The following LRMDA variants were observed in gnomAD, a reference collection of about 807,000 sequenced individuals.
LRMDA encodes the protein leucine rich melanocyte differentiation associated.
Under a neutral mutation model 29.8 loss-of-function variants are expected in LRMDA, and 18 were observed. The ratio of observed to expected loss-of-function variants is 0.60; its 90% CI spans 0.42 to 0.90. The LOEUF is 0.90. Ranked by LOEUF, LRMDA falls within the 40% of genes least tolerant of loss-of-function variation. LRMDA has a pLI of 0.00. For synonymous variants in LRMDA, 125 were observed against 109.4 expected (o/e 1.14, Z -0.89); for missense variants, 273 against 273.9 (o/e 1.00, Z 0.02).
intron 5 of LRMDA, among the ~76,000 whole-genome samples, chr10:76,061,168 A>G (rs183356291): frequency 6.6e-6 from 1 of 152,362 alleles, no homozygotes; most frequent in East Asian, 1.9e-4. Context: ...TGATACGTAT[A>G]CACTATGGAA....
chr10:76,556,712 T>C (rs1843562452), intron 6 of LRMDA, among the ~76,000 whole-genome samples: 1 of 152,182 alleles, frequency 6.6e-6, no homozygotes, highest in Non-Finnish European at 1.5e-5. Flanking sequence ...ATGTGCTCAA[T>C]GCCTGGTGCC....
chr10:76,150,831 GCGAAAAGA>G (rs1850426938), intron 5 of LRMDA, among the ~76,000 whole-genome samples: 2 of 152,208 alleles, frequency 1.3e-5, no homozygotes, highest in Non-Finnish European at 2.9e-5. Flanking sequence ...ATTATTAACT[GCGAAAAGA>G]CGTTAAAACT....
At chr10:75,868,737 T>C (rs1845061029) in intron 2 of LRMDA, among the ~76,000 whole-genome samples, 1 of 152,180 alleles carries the variant, frequency 6.6e-6, no homozygotes, top group Non-Finnish European at 1.5e-5. Flanking sequence ...AGGGATCACA[T>C]GCAGTTTGTG....
In LRMDA at chr10:75,624,666, A is replaced by C. The variant is rs189401843; in HGVS notation, c.131+186172A>C. On this transcript the variant is annotated intron_variant, in intron 2 of 6. Coordinates refer to ENST00000611255, the MANE Select transcript of LRMDA (RefSeq NM_001305581.2). ...GTTGTGGAATTCACAACTGATAACCAAGCTGGAGTTGTTTATAAAATGCCT... is the reference window on the plus strand; with the variant it reads ...GTTGTGGAATTCACAACTGATAACCCAGCTGGAGTTGTTTATAAAATGCCT... Among the ~76,000 whole-genome samples, 7 of 152,308 alleles carry C rather than the reference A, an allele frequency of 4.6e-5. No individual in the cohort carries two copies. In the East Asian group the frequency reaches 7.7e-4, roughly 17 times the overall value.
chr10:75,617,113 C>A (rs1192195020), intron 2 of LRMDA, among the ~76,000 whole-genome samples: 8 of 152,108 alleles, frequency 5.3e-5, no homozygotes. Flanking sequence ...GCTATTGTGG[C>A]CTTGGCTGGA....
intron 2 of LRMDA, among the ~76,000 whole-genome samples, chr10:75,487,018 T>C (rs1348766784): frequency 6.6e-6 from 1 of 152,220 alleles, no homozygotes; most frequent in Non-Finnish European, 1.5e-5. Context: ...AACAGAAGAA[T>C]TACAGTGTCT....
At chr10:75,450,250 A>G (rs944316728) in intron 2 of LRMDA, 1 of 151,870 alleles carries the variant, frequency 6.6e-6, no homozygotes, top group Non-Finnish European at 1.5e-5. Flanking sequence ...AGACACACAC[A>G]TGTTCAGGTT....
chr10:75,886,940 A>G (rs960343453), intron 2 of LRMDA, among the ~76,000 whole-genome samples: 1 of 152,154 alleles, frequency 6.6e-6, no homozygotes, highest in Non-Finnish European at 1.5e-5. Context: ...CCTGAAGTTT[A>G]ATAAAATTCT....
At chr10:75,669,710 G>A (rs536893759) in intron 2 of LRMDA, among the ~76,000 whole-genome samples, 8 of 152,320 alleles carry the variant, frequency 5.3e-5, no homozygotes, top group Non-Finnish European at 7.3e-5. Context: ...AACCTTCAAA[G>A]ACTAATAATT....
intron 2 of LRMDA, among the ~76,000 whole-genome samples, chr10:75,439,666 C>T (rs1437479066): frequency 6.6e-6 from 1 of 152,066 alleles, no homozygotes; most frequent in African/African-American, 2.4e-5. Context: ...GGAGAGTGGC[C>T]GCTGTCTGTG....
chr10:76,193,762 TA>T (rs1851286382), intron 5 of LRMDA, among the ~76,000 whole-genome samples: 1 of 152,040 alleles, frequency 6.6e-6, no homozygotes, highest in African/African-American at 2.4e-5. Context: ...CAAAAATGAG[TA>T]AAGCATGGCC....
intron 2 of LRMDA, among the ~76,000 whole-genome samples, chr10:75,457,525 GTTTTA>G (rs58863182): frequency 0.24 from 36,720 of 151,944 alleles, 4,677 homozygotes; most frequent in African/African-American, 0.33. Context: ...GGCTGCTGTT[GTTTTA>G]TTTTCTTCCC....
intron 5 of LRMDA, among the ~76,000 whole-genome samples, chr10:76,272,823 A>C (rs1840084586): frequency 1.3e-5 from 2 of 152,180 alleles, no homozygotes; most frequent in South Asian, 4.1e-4. Context: ...CACAACTTAC[A>C]TGGCAGGGAG....
chr10:75,990,783 A>G (rs977643483), intron 2 of LRMDA, among the ~76,000 whole-genome samples: 2 of 152,206 alleles, frequency 1.3e-5, no homozygotes, highest in African/African-American at 2.4e-5. Context: ...AGGAAATGCC[A>G]GGGGCTGCTG....
chr10:76,120,838 T>A (rs1190204555), intron 5 of LRMDA, among the ~76,000 whole-genome samples: 1 of 151,464 alleles, frequency 6.6e-6, no homozygotes, highest in South Asian at 2.1e-4. Context: ...CTTTTTTTTT[T>A]TTTTTTTCCA....
chr10:75,921,732 A>G (rs1253850141), intron 2 of LRMDA, among the ~76,000 whole-genome samples: 1 of 152,256 alleles, frequency 6.6e-6, no homozygotes, highest in Non-Finnish European at 1.5e-5. Flanking sequence ...GGCTCCTCAA[A>G]ACTTGGTTTA....
chr10:75,919,224 A>T (rs536635197), intron 2 of LRMDA, among the ~76,000 whole-genome samples: 3 of 152,096 alleles, frequency 2.0e-5, no homozygotes, highest in Admixed American at 2.0e-4. Context: ...ATTTCTCTCT[A>T]TGGCCTGTAT....
intron 2 of LRMDA, among the ~76,000 whole-genome samples, chr10:75,896,780 G>C (rs555291106): frequency 3.0e-4 from 46 of 152,106 alleles, no homozygotes; most frequent in Middle Eastern, 6.8e-3. Flanking sequence ...CCTGTACTGA[G>C]GCATGGACCT....
chr10:76,445,250 A>C (rs1451049348), intron 6 of LRMDA, among the ~76,000 whole-genome samples: 1 of 152,196 alleles, frequency 6.6e-6, no homozygotes, highest in Non-Finnish European at 1.5e-5. Flanking sequence ...TGCTGTGGTC[A>C]GTTTCTCTCC....
Sources: gnomAD v4.1 joint callset for allele counts (sites outside exome capture counted in the v4.1 genomes callset) on GRCh38, gnomAD v4.1.1 for gene constraint, MANE v1.5 for transcripts, NCBI Gene and HGNC (gene_info 2026-07-23, HGNC 2026-07-21) for gene names.